Variants in PDE3A observed in about 807,000 individuals in gnomAD.
The protein encoded by PDE3A is phosphodiesterase 3A, also known as cGMP-inhibited 3',5'-cyclic phosphodiesterase 3A.
In PDE3A, 43 loss-of-function variants were observed where a neutral mutation model predicts 98.3. That is an observed-to-expected ratio of 0.44 (90% CI 0.34 to 0.56). The LOEUF is 0.56. Ranked by LOEUF, PDE3A falls within the 20% of genes least tolerant of loss-of-function variation. The probability of loss-of-function intolerance (pLI) is 0.01; values close to 1 mark genes in which losing one functional copy is unlikely to be tolerated. For synonymous variants in PDE3A, 663 were observed against 567.9 expected (o/e 1.17, Z -2.38); for missense variants, 1,427 against 1,440.7 (o/e 0.99, Z 0.15).
At chr12:20,528,941 T>A (rs1216882286) in intron 1 of PDE3A, among the ~76,000 whole-genome samples, 1 of 152,156 alleles carries the variant, frequency 6.6e-6, no homozygotes, top group Non-Finnish European at 1.5e-5. Context: ...TTAAGTACTA[T>A]GAGGGACTTT....
chr12:20,499,255 T>C lies in PDE3A; in HGVS notation c.961-57405T>C, dbSNP rs567025298. 9.2e-4 allele frequency among the ~76,000 whole-genome samples: 140 copies of C among 152,278 alleles called. 3 individuals are homozygous for C. Among genetic ancestry groups the C allele is most frequent in the South Asian group, 4.4e-3 (21 of 4,826 alleles). On this transcript the variant is annotated intron_variant, in intron 1 of 15. Transcript: ENST00000359062. ...AAAATGCTTAACGTTGTGCCTAAGG[T>C]GCAATAGTGTCTCATTGGCTACTGT...
intron 1 of PDE3A, among the ~76,000 whole-genome samples, chr12:20,545,741 C>T (rs1942033752): frequency 6.7e-6 from 1 of 149,798 alleles, no homozygotes; most frequent in African/African-American, 2.5e-5. Flanking sequence ...TCCTCTTGCC[C>T]TACCCCAAGA....
At chr12:20,532,929 G>A (rs1295204169) in intron 1 of PDE3A, among the ~76,000 whole-genome samples, 1 of 152,232 alleles carries the variant, frequency 6.6e-6, no homozygotes, top group Admixed American at 6.5e-5. Context: ...GCCCGCCTCG[G>A]CCTCCCAAAG....
At chr12:20,633,823 T>G in intron 7 of PDE3A, 45 bp downstream of exon 7, 1 of 1,160,666 alleles carries the variant, frequency 8.6e-7, no homozygotes. Context: ...GGAAATTGCC[T>G]TATTTTTGTT....
In PDE3A at chr12:20,646,731, C is replaced by G. The variant is rs1157596007; in HGVS notation, c.2366-20C>G. ...AGTACTTTTTTAAAAACTTCTTTGA[C>G]TCTCATTTTCTCTTCTCAGATTCTG... is the stretch of plus-strand genomic sequence containing the variant. On this transcript the variant is annotated intron_variant, in intron 11 of 15. Transcript: ENST00000359062. 2 of 1,547,772 alleles carry G rather than the reference C, an allele frequency of 1.3e-6. No homozygotes were observed. The highest frequency in any genetic ancestry group is 1.8e-6 in the Non-Finnish European group (2 of 1,120,878).
chr12:20,499,959 T>A (rs1196625718), intron 1 of PDE3A, among the ~76,000 whole-genome samples: 1 of 152,164 alleles, frequency 6.6e-6, no homozygotes, highest in African/African-American at 2.4e-5. Context: ...TTAACAAGAT[T>A]AAATGACTTG....
At chr12:20,638,553 G>C (rs1004786451) in intron 9 of PDE3A, among the ~76,000 whole-genome samples, 4 of 152,028 alleles carry the variant, frequency 2.6e-5, no homozygotes, top group South Asian at 2.1e-4. Context: ...ACAGATTTAA[G>C]GGTAGCTGTT....
intron 1 of PDE3A, among the ~76,000 whole-genome samples, chr12:20,482,976 A>AT (rs562032653): frequency 1.3e-3 from 195 of 152,244 alleles, no homozygotes; most frequent in Non-Finnish European, 2.2e-3. Context: ...TTTCTGCTTG[A>AT]TTTTTTTAAA....
chr12:20,669,842 C>G (rs1480014906), intron 15 of PDE3A, among the ~76,000 whole-genome samples: 1 of 151,730 alleles, frequency 6.6e-6, no homozygotes, highest in Non-Finnish European at 1.5e-5. Context: ...CAAATTCACA[C>G]ATAACAATAT....
intron 1 of PDE3A, among the ~76,000 whole-genome samples, chr12:20,399,715 T>G (rs1944084870): frequency 1.3e-5 from 2 of 152,210 alleles, no homozygotes; most frequent in African/African-American, 4.8e-5. Context: ...TGCTTTTTTA[T>G]TAGGCTCTTT....
At chr12:20,589,890 GA>G (rs1006728394) in intron 2 of PDE3A, among the ~76,000 whole-genome samples, 19 of 128,260 alleles carry the variant, frequency 1.5e-4, no homozygotes, top group Admixed American at 3.9e-4. Flanking sequence ...AAAAAAAAAA[GA>G]AAAAAAATTA....
At chr12:20,634,150 CA>C (rs1287312969) in intron 7 of PDE3A, among the ~76,000 whole-genome samples, 1 of 152,072 alleles carries the variant, frequency 6.6e-6, no homozygotes, top group African/African-American at 2.4e-5. Context: ...TTTTAAAACA[CA>C]AGAGGCCATT....
chr12:20,499,242 G>A (rs912222122), intron 1 of PDE3A, among the ~76,000 whole-genome samples: 29 of 152,242 alleles, frequency 1.9e-4, no homozygotes, highest in South Asian at 4.1e-4. Context: ...AATGCTTAAC[G>A]TTGTGCCTAA....
chr12:20,449,995 A>C, intron 1 of PDE3A: 1 of 700,396 alleles, frequency 1.4e-6, no homozygotes, highest in Non-Finnish European at 2.6e-6. Flanking sequence ...TTGCCAAGTC[A>C]ATAAATTAGC....
intron 1 of PDE3A, among the ~76,000 whole-genome samples, chr12:20,548,528 C>A (rs1942116671): frequency 6.6e-6 from 1 of 152,040 alleles, no homozygotes; most frequent in African/African-American, 2.4e-5. Flanking sequence ...TTTCCAGTCT[C>A]AATCTCTCCC....
intron 2 of PDE3A, among the ~76,000 whole-genome samples, chr12:20,601,995 C>CCTA (rs1943604919): frequency 6.6e-6 from 1 of 152,162 alleles, no homozygotes; most frequent in Non-Finnish European, 1.5e-5. Flanking sequence ...TTTCTGAGTT[C>CCTA]GTACTTATTT....
intron 1 of PDE3A, among the ~76,000 whole-genome samples, chr12:20,555,678 T>A (rs1038613449): frequency 2.0e-5 from 3 of 152,228 alleles, no homozygotes; most frequent in African/African-American, 7.2e-5. Context: ...TTTGTTTGAG[T>A]AGAATTGAGC....
rs759746725 is a variant in PDE3A, at chr12:20,621,410, A to T, written c.1539A>T (p.Pro513=). 1.9e-6 allele frequency: 3 copies of T among 1,550,170 alleles called. No homozygotes were observed. The change falls in exon 5 of 16, where the codon CCA becomes CCT. Residue 513 remains proline, a splice_region_variant and synonymous_variant. Transcript: ENST00000359062. ...TAAAGGCTAAAAAGCAAAGTCGACC[A>T]GGTAAGTAACTTAACTGGAGAAGGG... The part of the protein sequence containing the change: ...NHVKAKKQSR[P]GALAKISPLS...
intron 1 of PDE3A, among the ~76,000 whole-genome samples, chr12:20,539,451 T>C (rs764913166): frequency 4.6e-5 from 7 of 152,120 alleles, no homozygotes; most frequent in African/African-American, 7.2e-5. Flanking sequence ...GCTCGAACTG[T>C]AATGAAATAA....
Sources: gnomAD v4.1 joint callset for allele counts (sites outside exome capture counted in the v4.1 genomes callset) on GRCh38, gnomAD v4.1.1 for gene constraint, MANE v1.5 for transcripts, NCBI Gene and HGNC (gene_info 2026-07-23, HGNC 2026-07-21) for gene names.